CDC42SE2: variants seen among roughly 807,000 people sequenced by gnomAD.
CDC42SE2 encodes CDC42 small effector protein 2.
A neutral mutation model predicts 11.5 loss-of-function variants in CDC42SE2; 3 were observed. The ratio of observed to expected loss-of-function variants is 0.26; its 90% CI spans 0.12 to 0.67. The LOEUF is 0.67. CDC42SE2 is among the 30% of genes least tolerant of loss of function. The pLI, the probability that CDC42SE2 is intolerant of heterozygous loss-of-function variation, is 0.80. For synonymous variants in CDC42SE2, 33 were observed against 34.8 expected (o/e 0.95, Z 0.18); for missense variants, 82 against 106.8 (o/e 0.77, Z 1.02).
At chr5:131,300,710 G>A (rs1001204963) in intron 1 of CDC42SE2, among the ~76,000 whole-genome samples, 5 of 151,726 alleles carry the variant, frequency 3.3e-5, no homozygotes, top group African/African-American at 1.2e-4. Flanking sequence ...GTGAACCTGG[G>A]AGGTGGAGCT....
At chr5:131,284,428 TACGTGTACA>T (rs1274107501) in intron 1 of CDC42SE2, among the ~76,000 whole-genome samples, 3 of 152,214 alleles carry the variant, frequency 2.0e-5, no homozygotes, top group Non-Finnish European at 2.9e-5. Context: ...TACAAAATTG[TACGTGTACA>T]ACTGTTCAGT....
chr5:131,294,232 C>T (rs1028941801), intron 1 of CDC42SE2, among the ~76,000 whole-genome samples: 2 of 152,092 alleles, frequency 1.3e-5, no homozygotes, highest in African/African-American at 4.8e-5. Context: ...TATATCCAAT[C>T]TGATATACTC....
At chr5:131,338,542 G>C (rs1473965738) in intron 2 of CDC42SE2, among the ~76,000 whole-genome samples, 1 of 152,156 alleles carries the variant, frequency 6.6e-6, no homozygotes, top group Non-Finnish European at 1.5e-5. Flanking sequence ...GCCCCATCCT[G>C]TTGGCAAATG....
intron 1 of CDC42SE2, among the ~76,000 whole-genome samples, chr5:131,312,102 T>C (rs1235472339): frequency 6.6e-6 from 1 of 152,184 alleles, no homozygotes; most frequent in Non-Finnish European, 1.5e-5. Flanking sequence ...TTGATGATGG[T>C]GATGTACAGA....
rs1212035857 is a variant in CDC42SE2 at position 131,348,356 on chromosome 5, CAGAG to C, written c.-285-10850_-285-10847del. 2.0e-3 allele frequency among the ~76,000 whole-genome samples: 304 copies of C among 152,208 alleles called. 1 individual carries two copies. Among genetic ancestry groups the C allele is most frequent in the African/African-American group, 6.9e-3 (286 of 41,544 alleles). On this transcript the variant is annotated intron_variant, in intron 2 of 4. Transcript: ENST00000505065. ...AGCATTCTTATACATCAATAACAGA[CAGAG>C]AGCCAAATCATGAGTGAACTCCCAT...
chr5:131,284,326 C>T (rs936298465), intron 1 of CDC42SE2, among the ~76,000 whole-genome samples: 3 of 152,006 alleles, frequency 2.0e-5, no homozygotes, highest in Non-Finnish European at 2.9e-5. Flanking sequence ...AAAAAAGAGT[C>T]GTTAAATTAG....
intron 1 of CDC42SE2, among the ~76,000 whole-genome samples, chr5:131,309,586 T>C (rs1209257419): frequency 6.6e-6 from 1 of 151,740 alleles, no homozygotes; most frequent in East Asian, 1.9e-4. Context: ...TGGACTCTTT[T>C]TGTTTGGTAA....
rs894548544 is a variant in CDC42SE2 at position 131,304,079 on chromosome 5, C to T, written c.-454-11897C>T. Reference sequence around the variant, plus strand: ...GGCCCAAGGAATCCTTGCACCTCAGCCTTCCAAGTAGCTGGGACCACAGGC... The same window carrying T: ...GGCCCAAGGAATCCTTGCACCTCAGTCTTCCAAGTAGCTGGGACCACAGGC... On this transcript the variant is annotated intron_variant, in intron 1 of 4. Coordinates refer to ENST00000505065, the MANE Select transcript of CDC42SE2 (RefSeq NM_001375635.1). 4.0e-4 allele frequency among the ~76,000 whole-genome samples: 61 copies of T among 152,106 alleles called. 1 individual carries two copies. Among genetic ancestry groups the T allele is most frequent in the Non-Finnish European group, 2.8e-4 (19 of 67,984 alleles).
chr5:131,233,303 G>C, the CDC42SE2 span, among the ~76,000 whole-genome samples: 1 of 152,090 alleles, frequency 6.6e-6, no homozygotes, highest in Non-Finnish European at 1.5e-5. Context: ...TTGTATGCAT[G>C]TAGCATAATA....
Position 131,323,545 on chromosome 5 carries a change from TG to T in CDC42SE2, c.-286+7403del, listed in dbSNP as rs1433969260. Reference sequence around the variant, plus strand: ...TCAAGGGATTGTACCTCTCTCTCTCTGGTTTTTTTTTTTTTTTTTTTTTTTT... The same window carrying T: ...TCAAGGGATTGTACCTCTCTCTCTCTGTTTTTTTTTTTTTTTTTTTTTTTT... On this transcript the variant is annotated intron_variant, in intron 2 of 4. Transcript: ENST00000505065. Among the ~76,000 whole-genome samples the T allele has an allele frequency of 3.7e-3, 457 of 122,360 alleles. 4 individuals carry two copies. Among genetic ancestry groups the T allele is most frequent in the African/African-American group, 0.011 (331 of 30,090 alleles). 80.3% of individuals were successfully genotyped at this position (122,360 alleles called of 152,430 possible). A position where few individuals can be genotyped will look rare whatever the true frequency, so the allele number is the denominator to read the frequency against.
chr5:131,333,364 C>T (rs935462104), intron 2 of CDC42SE2, among the ~76,000 whole-genome samples: 1 of 152,196 alleles, frequency 6.6e-6, no homozygotes, highest in African/African-American at 2.4e-5. Context: ...TGTTTGGTTA[C>T]TGTAGCCTTG....
At chr5:131,368,745 C>T (rs114976699) in intron 3 of CDC42SE2, among the ~76,000 whole-genome samples, 5,241 of 152,250 alleles carry the variant, frequency 0.034, 308 homozygotes, top group African/African-American at 0.12. Context: ...TAATCTTCAC[C>T]TCATTCCATC....
At chr5:131,319,282 T>C (rs543106822) in intron 2 of CDC42SE2, among the ~76,000 whole-genome samples, 2 of 152,268 alleles carry the variant, frequency 1.3e-5, no homozygotes, top group African/African-American at 4.8e-5. Flanking sequence ...CCACTAATTT[T>C]GAGTTCTTGT....
intron 1 of CDC42SE2, among the ~76,000 whole-genome samples, chr5:131,249,451 GA>G: frequency 1.3e-5 from 2 of 152,224 alleles, no homozygotes; most frequent in Middle Eastern, 3.4e-3. Flanking sequence ...AAACAGAATG[GA>G]TATCTTAGAA....
intron 1 of CDC42SE2, among the ~76,000 whole-genome samples, chr5:131,308,859 G>A: frequency 6.6e-6 from 1 of 152,130 alleles, no homozygotes; most frequent in East Asian, 1.9e-4. Context: ...AGATGATGGG[G>A]TTTTCTAGCT....
At chr5:131,241,241 C>A (rs562455081), upstream of CDC42SE2, among the ~76,000 whole-genome samples, 1 of 152,082 alleles carries the variant, frequency 6.6e-6, no homozygotes, top group Non-Finnish European at 1.5e-5. Context: ...GGATTACAGG[C>A]GTGAGCCACC....
chr5:131,392,583 G>C lies in CDC42SE2; in HGVS notation c.*1492G>C, dbSNP rs188426720. ...CTTGCATTCATAAGGCATTCATTCT[G>C]TTGTAAATGTTCAATATATTTATTT... On this transcript the variant is annotated 3_prime_UTR_variant, in exon 5 of 5. Coordinates refer to ENST00000505065, the MANE Select transcript of CDC42SE2 (RefSeq NM_001375635.1). 6.6e-6 allele frequency: 1 copy of C among 152,364 alleles called. No homozygotes were observed. The highest frequency in any genetic ancestry group is 6.5e-5 in the Admixed American group (1 of 15,296). The allele number at this position is 152,364 out of a possible 1,614,324, so 9.4% of individuals were successfully genotyped here. A position where few individuals can be genotyped will look rare whatever the true frequency, so the allele number is the denominator to read the frequency against.
At chr5:131,218,734 C>T in the CDC42SE2 span, among the ~76,000 whole-genome samples, 2 of 152,082 alleles carry the variant, frequency 1.3e-5, no homozygotes, top group East Asian at 1.9e-4. Flanking sequence ...ATCAAGATAG[C>T]GGTTATCCTT....
chr5:131,329,934 C>G (rs560959935), intron 2 of CDC42SE2, among the ~76,000 whole-genome samples: 2 of 128,740 alleles, frequency 1.6e-5, no homozygotes, highest in Admixed American at 8.0e-5. Context: ...AAGAAGCGCT[C>G]CAGTTATCTA....
Sources: gnomAD v4.1 joint callset for allele counts (sites outside exome capture counted in the v4.1 genomes callset) on GRCh38, gnomAD v4.1.1 for gene constraint, MANE v1.5 for transcripts, NCBI Gene and HGNC (gene_info 2026-07-23, HGNC 2026-07-21) for gene names.